Variants in CACNA1I observed in about 807,000 individuals in gnomAD.
The protein encoded by CACNA1I is voltage-dependent T-type calcium channel subunit alpha-1I.
Under a neutral mutation model 201.6 loss-of-function variants are expected in CACNA1I, and 74 were observed. The ratio of observed to expected loss-of-function variants is 0.37; its 90% CI spans 0.30 to 0.45. The LOEUF is 0.45. Ranked by LOEUF, CACNA1I falls within the 20% of genes least tolerant of loss-of-function variation. The pLI, the probability that CACNA1I is intolerant of heterozygous loss-of-function variation, is 1.00. For synonymous variants in CACNA1I, 1,431 were observed against 1,345.2 expected (o/e 1.06, Z -1.40); for missense variants, 2,346 against 3,138.1 (o/e 0.75, Z 6.03).
intron 4 of CACNA1I, among the ~76,000 whole-genome samples, chr22:39,624,504 C>A (rs562364827): frequency 6.6e-6 from 1 of 152,198 alleles, no homozygotes; most frequent in Admixed American, 6.5e-5. Context: ...AGCCTGATTC[C>A]GCTTCTCAGA....
At chr22:39,634,834 AAG>A (rs1408054369) in intron 5 of CACNA1I, 110 bp downstream of exon 5, 5 of 1,042,290 alleles carry the variant, frequency 4.8e-6, no homozygotes, top group East Asian at 2.5e-5. Flanking sequence ...GCAGCAAAAA[AAG>A]AGAGGTCAGG....
intron 4 of CACNA1I, among the ~76,000 whole-genome samples, chr22:39,620,795 C>T (rs150268450): frequency 2.5e-4 from 38 of 152,146 alleles, no homozygotes; most frequent in Admixed American, 1.3e-3. Flanking sequence ...AGCTCTGTTG[C>T]CCAGACTGGA....
At chr22:39,637,830 A>G (rs1222217969) in intron 5 of CACNA1I, among the ~76,000 whole-genome samples, 2 of 152,218 alleles carry the variant, frequency 1.3e-5, no homozygotes, top group Non-Finnish European at 2.9e-5. Context: ...TTGTGAAAAT[A>G]TCTTCCAGTG....
rs543837219 is a variant in CACNA1I at position 39,688,769 on chromosome 22, C to A, written c.*2364C>A. ...CGTGTGACTCTGCAAGCAGACACCTCGAGGCAGGTGTTCTAGGCAAAGGGA... is the reference window on the plus strand; with the variant it reads ...CGTGTGACTCTGCAAGCAGACACCTAGAGGCAGGTGTTCTAGGCAAAGGGA... On this transcript the variant is annotated 3_prime_UTR_variant, in exon 37 of 37. Transcript: ENST00000402142. The surrounding 1 kb of genome is among the most constrained non-coding windows in gnomAD (Gnocchi z 4.8). The A allele has an allele frequency of 6.6e-6, 1 of 152,370 alleles. No individual in the cohort carries two copies. Among genetic ancestry groups the A allele is most frequent in the Admixed American group, 6.5e-5 (1 of 15,290 alleles). The allele number at this position is 152,370 out of a possible 1,614,324, so 9.4% of individuals were successfully genotyped here.
In CACNA1I at chr22:39,619,403, G is replaced by T; in HGVS notation, c.576G>T (p.Val192=). ...GGCCCCTCAAAGCCATCAACCGCGT[G>T]CCCAGTGAGTCAGCCCCGCCCTGTC... ...VLRPLKAINR[V]PSMRILVNLL... Residue 192 remains valine, a synonymous_variant, in exon 4 of 37, where the codon GTG becomes GTT. Transcript: ENST00000402142. 1 of 1,606,130 alleles carries T rather than the reference G, an allele frequency of 6.2e-7. No homozygotes were observed. Among genetic ancestry groups the T allele is most frequent in the Non-Finnish European group, 8.5e-7 (1 of 1,178,558 alleles).
At chr22:39,573,937 C>T (rs958282116) in intron 1 of CACNA1I, among the ~76,000 whole-genome samples, 8 of 152,170 alleles carry the variant, frequency 5.3e-5, no homozygotes, top group African/African-American at 1.9e-4. Context: ...AGGGACTTTT[C>T]AGTCCCGGGA....
chr22:39,577,653 C>G (rs997214543), intron 1 of CACNA1I, among the ~76,000 whole-genome samples: 2 of 152,262 alleles, frequency 1.3e-5, no homozygotes, highest in African/African-American at 4.8e-5. Context: ...ACTGCTCTGG[C>G]TGTGCAGCCA....
At chr22:39,657,835 G>A (rs568301686) in intron 10 of CACNA1I, among the ~76,000 whole-genome samples, 39 of 152,344 alleles carry the variant, frequency 2.6e-4, no homozygotes, top group Admixed American at 1.5e-3. Context: ...TGGCCTCCAA[G>A]CCTCTTTTTC....
Position 39,684,760 on chromosome 22 carries a change from T to C in CACNA1I, c.6027+262T>C. On this transcript the variant is annotated intron_variant, in intron 36 of 36. Coordinates refer to ENST00000402142, the MANE Select transcript of CACNA1I (RefSeq NM_021096.4). The surrounding 1 kb of genome is among the most constrained non-coding windows in gnomAD (Gnocchi z 4.6). The stretch of plus-strand genomic sequence containing the variant: ...CCAAGGCGGGTCTGGAAGAGGCCTG[T>C]GATCCCTAGCTTGAGGGGAGGGGAG... The C allele has an allele frequency of 1.7e-6, 1 of 595,104 alleles. No homozygotes were observed. The highest frequency in any genetic ancestry group is 3.0e-6 in the Non-Finnish European group (1 of 334,486). 36.9% of individuals were successfully genotyped at this position (595,104 alleles called of 1,614,324 possible). A position where few individuals can be genotyped will look rare whatever the true frequency, so the allele number is the denominator to read the frequency against.
At chr22:39,573,953 G>T (rs138167833) in intron 1 of CACNA1I, among the ~76,000 whole-genome samples, 3 of 152,160 alleles carry the variant, frequency 2.0e-5, no homozygotes, top group Non-Finnish European at 4.4e-5. Flanking sequence ...CGGGAGCTGC[G>T]CAGAGCGAGG....
intron 20 of CACNA1I, 59 bp downstream of exon 20, chr22:39,664,218 G>C (rs1801056969): frequency 7.2e-7 from 1 of 1,380,734 alleles, no homozygotes; most frequent in Non-Finnish European, 1.0e-6. Context: ...CTGGCCCTGG[G>C]TCAGCCCCTG....
At chr22:39,595,516 T>C (rs932726658) in intron 1 of CACNA1I, among the ~76,000 whole-genome samples, 14 of 151,728 alleles carry the variant, frequency 9.2e-5, no homozygotes, top group African/African-American at 3.1e-4. Flanking sequence ...TCCCAGCTAC[T>C]TGGGAGGCTG....
intron 1 of CACNA1I, among the ~76,000 whole-genome samples, chr22:39,584,405 C>G (rs953222077): frequency 6.6e-6 from 1 of 152,128 alleles, no homozygotes; most frequent in Admixed American, 6.6e-5. Context: ...CGTGATGAAT[C>G]TGAGGTTCCC....
At position 39,684,202 on chromosome 22, in the gene CACNA1I, C is replaced by T; in HGVS notation, c.5831-100C>T. 1.0e-6 allele frequency: 1 copy of T among 957,980 alleles called. No individual in the cohort carries two copies. Among genetic ancestry groups the T allele is most frequent in the Non-Finnish European group, 1.6e-6 (1 of 621,806 alleles). The allele number at this position is 957,980 out of a possible 1,614,324, so 59.3% of individuals were successfully genotyped here. ...ACAGTCAGTTTATTAGGTGGCCCCT[C>T]ACTGCTGGCCCAGTGAGATTGGTGC... On this transcript the variant is annotated intron_variant, in intron 35 of 36. Transcript: ENST00000402142. The surrounding 1 kb of genome is among the most constrained non-coding windows in gnomAD (Gnocchi z 4.6).
intron 1 of CACNA1I, among the ~76,000 whole-genome samples, chr22:39,576,114 G>T (rs1932340457): frequency 6.6e-6 from 1 of 152,204 alleles, no homozygotes; most frequent in Non-Finnish European, 1.5e-5. Flanking sequence ...CTGCATATGA[G>T]TGAAGGGCCA....
chr22:39,645,697 A>G (rs538429010), intron 7 of CACNA1I, among the ~76,000 whole-genome samples: 23 of 152,198 alleles, frequency 1.5e-4, no homozygotes, highest in Non-Finnish European at 3.1e-4. Flanking sequence ...GATGAAAGCT[A>G]TCTGCTCAGG....
Position 39,664,910 on chromosome 22 carries a change from C to G in CACNA1I, c.3838C>G (p.Leu1280Val), listed in dbSNP as rs751088898. ...CCGAGTCTTGCGGCTCCTGCGCACC[C>G]TACGCCCCCTGCGGTGAGGACCCCT... is the stretch of plus-strand genomic sequence containing the variant. ...VLRVLRLLRT[L>V]RPLRVISRAP... Residue 1280 changes from leucine (L) to valine (V), a missense_variant, in exon 21 of 37, where the codon CTA becomes GTA. Coordinates refer to ENST00000402142, the MANE Select transcript of CACNA1I (RefSeq NM_021096.4). 3 of 1,612,172 alleles carry G rather than the reference C, an allele frequency of 1.9e-6. No homozygotes were observed. In the Admixed American group the frequency reaches 5.0e-5, roughly 27 times the overall value.
At chr22:39,650,455 TG>T (rs1487991459) in intron 10 of CACNA1I, among the ~76,000 whole-genome samples, 1 of 152,250 alleles carries the variant, frequency 6.6e-6, no homozygotes, top group African/African-American at 2.4e-5. Context: ...CCTGGCCACC[TG>T]GGCCCTTCTG....
intron 4 of CACNA1I, among the ~76,000 whole-genome samples, chr22:39,628,361 C>A (rs1212669622): frequency 1.3e-5 from 2 of 152,018 alleles, no homozygotes; most frequent in Non-Finnish European, 2.9e-5. Context: ...AGGGTGCCTA[C>A]CTGGTCTAGG....
Sources: gnomAD v4.1 joint callset for allele counts (sites outside exome capture counted in the v4.1 genomes callset) on GRCh38, gnomAD v4.1.1 for gene constraint, Gnocchi (gnomAD v3.1) non-coding constraint, MANE v1.5 for transcripts, NCBI Gene and HGNC (gene_info 2026-07-23, HGNC 2026-07-21) for gene names.